The following ST6GALNAC3 variants were observed in gnomAD, a reference collection of about 807,000 sequenced individuals.
ST6GALNAC3 encodes the protein ST6 N-acetylgalactosaminide alpha-2,6-sialyltransferase 3.
A neutral mutation model predicts 32.7 loss-of-function variants in ST6GALNAC3; 25 were observed. The ratio of observed to expected loss-of-function variants is 0.76; its 90% CI spans 0.56 to 1.07. ST6GALNAC3 has a LOEUF of 1.07. ST6GALNAC3 is among the 50% of genes least tolerant of loss of function. The pLI is 0.00. For missense variants in ST6GALNAC3, 355 were observed against 382.4 expected (o/e 0.93, Z 0.60); for synonymous variants, 129 against 133.1 (o/e 0.97, Z 0.21).
intron 1 of ST6GALNAC3, among the ~76,000 whole-genome samples, chr1:76,115,735 C>T (rs1648425648): frequency 6.6e-6 from 1 of 152,090 alleles, no homozygotes; most frequent in Non-Finnish European, 1.5e-5. Flanking sequence ...GCTGTCCTTA[C>T]CACCCATCAC....
chr1:76,351,109 G>T lies in ST6GALNAC3; in HGVS notation c.213+37110G>T, dbSNP rs995729617. ...TTACTAGAATTTCTTTTGAGTGTGC[G>T]TGTCTCCATTCATACAAAGATTCGG... is the stretch of plus-strand genomic sequence containing the variant. On this transcript the variant is annotated intron_variant, in intron 2 of 4. Transcript: ENST00000328299. Among the ~76,000 whole-genome samples the T allele has an allele frequency of 4.6e-5, 7 of 152,120 alleles. No individual in the cohort carries two copies. The East Asian group carries it at 1.3e-3, about 29-fold the overall frequency.
At chr1:76,542,507 T>TC (rs1402793613) in intron 3 of ST6GALNAC3, among the ~76,000 whole-genome samples, 2 of 152,164 alleles carry the variant, frequency 1.3e-5, no homozygotes, top group Non-Finnish European at 2.9e-5. Flanking sequence ...CTGGGACTGC[T>TC]TTCTCATCAG....
At position 76,605,710 on chromosome 1, in the gene ST6GALNAC3, C is replaced by A. The variant is rs943718519; in HGVS notation, c.624-21742C>A. 2.6e-5 allele frequency among the ~76,000 whole-genome samples: 4 copies of A among 151,578 alleles called. No individual in the cohort carries two copies. In the East Asian group the frequency reaches 7.8e-4, roughly 30 times the overall value. On this transcript the variant is annotated intron_variant, in intron 3 of 4. Coordinates refer to ENST00000328299, the MANE Select transcript of ST6GALNAC3 (RefSeq NM_152996.4). ...CGAAACCCCGTTACTACTAAAAATA[C>A]AAAAGTTAGCTGGGTGTGGTGATGG...
At chr1:76,201,394 G>T (rs188083686) in intron 1 of ST6GALNAC3, among the ~76,000 whole-genome samples, 1 of 152,234 alleles carries the variant, frequency 6.6e-6, no homozygotes, top group African/African-American at 2.4e-5. Flanking sequence ...GAACAGCATG[G>T]GAAAAATCCA....
At chr1:76,272,614 G>A (rs1336753319) in intron 1 of ST6GALNAC3, among the ~76,000 whole-genome samples, 1 of 152,158 alleles carries the variant, frequency 6.6e-6, no homozygotes, top group Non-Finnish European at 1.5e-5. Context: ...TGCCACCCAT[G>A]TAGAATATTC....
intron 3 of ST6GALNAC3, 35 bp from the exon 4 acceptor site, chr1:76,627,417 T>G: frequency 4.4e-6 from 6 of 1,377,012 alleles, no homozygotes; most frequent in Non-Finnish European, 6.2e-6. Flanking sequence ...CTGTGTTTTG[T>G]TCTGTTTGTT....
At chr1:76,609,369 C>T (rs1327832799) in intron 3 of ST6GALNAC3, among the ~76,000 whole-genome samples, 1 of 152,022 alleles carries the variant, frequency 6.6e-6, no homozygotes, top group African/African-American at 2.4e-5. Context: ...CTTGTGATGC[C>T]AGCCTTTAGT....
At chr1:76,098,158 C>T (rs187089088) in intron 1 of ST6GALNAC3, among the ~76,000 whole-genome samples, 2 of 152,216 alleles carry the variant, frequency 1.3e-5, no homozygotes, top group Non-Finnish European at 2.9e-5. Flanking sequence ...TGTTGCATTT[C>T]CACCATACAT....
intron 1 of ST6GALNAC3, among the ~76,000 whole-genome samples, chr1:76,154,068 A>G (rs1333843425): frequency 6.6e-6 from 1 of 152,086 alleles, no homozygotes; most frequent in Admixed American, 6.5e-5. Context: ...TGATCAGGAG[A>G]GACATGAAAC....
intron 1 of ST6GALNAC3, among the ~76,000 whole-genome samples, chr1:76,181,573 C>A (rs1653181011): frequency 1.3e-5 from 2 of 152,132 alleles, no homozygotes; most frequent in South Asian, 2.1e-4. Flanking sequence ...AATCAACATG[C>A]AATATTTTAT....
chr1:76,133,724 A>C (rs1225183987), intron 1 of ST6GALNAC3, among the ~76,000 whole-genome samples: 2 of 152,188 alleles, frequency 1.3e-5, no homozygotes, highest in African/African-American at 2.4e-5. Context: ...TCAGGGGAGG[A>C]TTCCATTCAT....
At chr1:76,086,375 A>T (rs899381483) in intron 1 of ST6GALNAC3, among the ~76,000 whole-genome samples, 3 of 152,142 alleles carry the variant, frequency 2.0e-5, no homozygotes, top group South Asian at 4.1e-4. Context: ...TTTCGTGTTG[A>T]TGATTCATAG....
intron 1 of ST6GALNAC3, among the ~76,000 whole-genome samples, chr1:76,252,315 A>C (rs1657666895): frequency 6.6e-6 from 1 of 152,210 alleles, no homozygotes; most frequent in Non-Finnish European, 1.5e-5. Flanking sequence ...TCTGAACTTC[A>C]GAATCTACTA....
In ST6GALNAC3 at chr1:76,509,417, C is replaced by A. The variant is rs1341288338; in HGVS notation, c.623+97000C>A. ...GCTGATGCTACAGGATTTTCTTGGT[C>A]AGAATCATAAAAAGATAGAGAAGCC... On this transcript the variant is annotated intron_variant, in intron 3 of 4. Coordinates refer to ENST00000328299, the MANE Select transcript of ST6GALNAC3 (RefSeq NM_152996.4). The surrounding 1 kb of genome is among the most constrained non-coding windows in gnomAD (Gnocchi z 5.5). 6.6e-6 allele frequency among the ~76,000 whole-genome samples: 1 copy of A among 152,004 alleles called. No individual in the cohort carries two copies. Among genetic ancestry groups the A allele is most frequent in the Non-Finnish European group, 1.5e-5 (1 of 68,016 alleles).
chr1:76,532,358 T>C (rs185159346), intron 3 of ST6GALNAC3, among the ~76,000 whole-genome samples: 1 of 152,240 alleles, frequency 6.6e-6, no homozygotes, highest in East Asian at 1.9e-4. Context: ...GAAACATGCA[T>C]TTACAAATGG....
intron 1 of ST6GALNAC3, among the ~76,000 whole-genome samples, chr1:76,294,181 C>G (rs755302032): frequency 2.0e-5 from 3 of 152,062 alleles, no homozygotes; most frequent in Admixed American, 2.0e-4. Context: ...AATGTCATGT[C>G]TTTACTGCCA....
At chr1:76,548,462 A>G (rs1340820726) in intron 3 of ST6GALNAC3, among the ~76,000 whole-genome samples, 2 of 152,138 alleles carry the variant, frequency 1.3e-5, no homozygotes, top group Non-Finnish European at 2.9e-5. Flanking sequence ...ATTGGCTTCC[A>G]TCTTTATTAT....
chr1:76,300,880 AT>A (rs1282164599), intron 1 of ST6GALNAC3, among the ~76,000 whole-genome samples: 4 of 151,968 alleles, frequency 2.6e-5, no homozygotes, highest in Non-Finnish European at 4.4e-5. Context: ...AGGAGACAAC[AT>A]TTGAATTTGA....
At chr1:76,204,629 T>A (rs943712963) in intron 1 of ST6GALNAC3, among the ~76,000 whole-genome samples, 6 of 152,202 alleles carry the variant, frequency 3.9e-5, no homozygotes, top group Non-Finnish European at 8.8e-5. Context: ...ATTCTGTATA[T>A]TCCTATTGCA....
Sources: gnomAD v4.1 joint callset for allele counts (sites outside exome capture counted in the v4.1 genomes callset) on GRCh38, gnomAD v4.1.1 for gene constraint, Gnocchi (gnomAD v3.1) non-coding constraint, MANE v1.5 for transcripts, NCBI Gene and HGNC (gene_info 2026-07-23, HGNC 2026-07-21) for gene names.